Variants in PARD3B observed in about 807,000 individuals in gnomAD.
PARD3B encodes the protein partitioning defective 3 homolog B.
In PARD3B, 103 loss-of-function variants were observed where a neutral mutation model predicts 130.2. The ratio of observed to expected loss-of-function variants is 0.79; its 90% confidence interval spans 0.67 to 0.93. PARD3B has a LOEUF of 0.93. Among genes scored for constraint, PARD3B ranks in the 40% least tolerant of loss-of-function variants. The pLI is 0.00. For missense variants in PARD3B, 1,609 were observed against 1,499.2 expected (o/e 1.07, Z -1.21); for synonymous variants, 583 against 553.2 (o/e 1.05, Z -0.76).
intron 22 of PARD3B, among the ~76,000 whole-genome samples, chr2:205,603,214 G>C (rs2054858548): frequency 6.6e-6 from 1 of 151,812 alleles, no homozygotes; most frequent in Non-Finnish European, 1.5e-5. Context: ...GTTGTGCTGT[G>C]GTCTCTGTTA....
At position 205,421,536 on chromosome 2, in the gene PARD3B, G is replaced by A. The variant is rs371843802; in HGVS notation, c.2742-18834G>A. ...TTTCATATTTCCACATTGCAGGAAA[G>A]ATGAGCAATGACATATTGACCAAGG... is the stretch of plus-strand genomic sequence containing the variant. On this transcript the variant is annotated intron_variant, in intron 19 of 22. Coordinates refer to ENST00000406610, the MANE Select transcript of PARD3B (RefSeq NM_001302769.2). This position sits in a 1 kb window ranked among gnomAD's most constrained non-coding sequence, Gnocchi z 5.1. 6.6e-6 allele frequency among the ~76,000 whole-genome samples: 1 copy of A among 152,256 alleles called. No individual in the cohort carries two copies. Among genetic ancestry groups the A allele is most frequent in the South Asian group, 2.1e-4 (1 of 4,830 alleles).
At position 204,849,985 on chromosome 2, in the gene PARD3B, C is replaced by T. The variant is rs760332740; in HGVS notation, c.223-115167C>T. Among the ~76,000 whole-genome samples, 26 of 152,218 alleles carry T rather than the reference C, an allele frequency of 1.7e-4. No homozygotes were observed. In the South Asian group the frequency reaches 2.5e-3, roughly 15 times the overall value. On this transcript the variant is annotated intron_variant, in intron 2 of 22. Coordinates refer to ENST00000406610, the MANE Select transcript of PARD3B (RefSeq NM_001302769.2). ...ATTGGTATTTTTCTAAAAGCTGAAGCGTTAACGTATTAGATATGTGCACAT... is the reference window on the plus strand; with the variant it reads ...ATTGGTATTTTTCTAAAAGCTGAAGTGTTAACGTATTAGATATGTGCACAT...
intron 2 of PARD3B, among the ~76,000 whole-genome samples, chr2:204,869,216 T>G (rs750435249): frequency 9.2e-5 from 14 of 152,174 alleles, no homozygotes; most frequent in Non-Finnish European, 1.8e-4. Context: ...GTCTTCTTGG[T>G]TCATTTCACA....
intron 2 of PARD3B, among the ~76,000 whole-genome samples, chr2:204,956,250 G>T (rs1401354344): frequency 6.6e-6 from 1 of 152,184 alleles, no homozygotes; most frequent in Non-Finnish European, 1.5e-5. Context: ...CAAGGAGTAT[G>T]TTTCTGAGAC....
At chr2:204,829,998 C>CAAAAAAA (rs745415671) in intron 2 of PARD3B, among the ~76,000 whole-genome samples, 1 of 47,698 alleles carries the variant, frequency 2.1e-5, no homozygotes, top group Non-Finnish European at 4.1e-5. Context: ...GACTCCGTCT[C>CAAAAAAA]AAAAAAAAAA....
intron 21 of PARD3B, among the ~76,000 whole-genome samples, chr2:205,544,633 G>C (rs2052308083): frequency 6.6e-6 from 1 of 152,166 alleles, no homozygotes; most frequent in African/African-American, 2.4e-5. Flanking sequence ...AGGTTATTAA[G>C]ATGCCATAGC....
At chr2:205,493,559 A>G (rs1161452944) in intron 20 of PARD3B, among the ~76,000 whole-genome samples, 4 of 152,022 alleles carry the variant, frequency 2.6e-5, no homozygotes, top group African/African-American at 9.7e-5. Flanking sequence ...GACTCTGTAA[A>G]ACACTAAACT....
rs1302067457 is a variant in PARD3B at position 205,128,091 on chromosome 2, T to C, written c.1434+2354T>C. Among the ~76,000 whole-genome samples, 1 of 152,240 alleles carries C rather than the reference T, an allele frequency of 6.6e-6. No homozygotes were observed. Among genetic ancestry groups the C allele is most frequent in the Middle Eastern group, 3.2e-3 (1 of 316 alleles). On this transcript the variant is annotated intron_variant, in intron 10 of 22. Transcript: ENST00000406610. The surrounding 1 kb of genome is among the most constrained non-coding windows in gnomAD (Gnocchi z 4.5). ...CTCTCCAAAATCCTCAGTGGAACTA[T>C]GTGCTTATTTCTGAGATAGGAGAGC... is the stretch of plus-strand genomic sequence containing the variant.
At chr2:205,441,685 ATAT>A (rs2047721370) in intron 20 of PARD3B, among the ~76,000 whole-genome samples, 1 of 152,150 alleles carries the variant, frequency 6.6e-6, no homozygotes, top group Non-Finnish European at 1.5e-5. Context: ...CAGCTGGGTG[ATAT>A]TATGCACTTT....
At chr2:205,026,898 A>C (rs893864130) in intron 3 of PARD3B, among the ~76,000 whole-genome samples, 1 of 152,150 alleles carries the variant, frequency 6.6e-6, no homozygotes, top group African/African-American at 2.4e-5. Flanking sequence ...TTGTTTAGAC[A>C]CACCACATTT....
intron 21 of PARD3B, among the ~76,000 whole-genome samples, chr2:205,513,673 T>A (rs1485317147): frequency 6.6e-6 from 1 of 152,094 alleles, no homozygotes; most frequent in African/African-American, 2.4e-5. Context: ...AGTCATGCAT[T>A]CATTTATTAA....
chr2:204,726,659 C>A (rs762366243), intron 2 of PARD3B, among the ~76,000 whole-genome samples: 2 of 152,148 alleles, frequency 1.3e-5, no homozygotes, highest in Non-Finnish European at 2.9e-5. Context: ...TTATTGTATA[C>A]AAAATGTATT....
At position 205,405,026 on chromosome 2, in the gene PARD3B, C is replaced by T. The variant is rs1448325664; in HGVS notation, c.2741+3903C>T. On this transcript the variant is annotated intron_variant, in intron 19 of 22. Coordinates refer to ENST00000406610, the MANE Select transcript of PARD3B (RefSeq NM_001302769.2). The surrounding 1 kb of genome is among the most constrained non-coding windows in gnomAD (Gnocchi z 4.1). The stretch of plus-strand genomic sequence containing the variant: ...AATTTTTTTGTGCTGATTTTCATAT[C>T]TCATTTTAAGTTATCTACATATCTA... 6.6e-6 allele frequency among the ~76,000 whole-genome samples: 1 copy of T among 152,084 alleles called. No homozygotes were observed. Among genetic ancestry groups the T allele is most frequent in the Non-Finnish European group, 1.5e-5 (1 of 68,014 alleles).
At chr2:205,213,746 A>C (rs1425642873) in intron 15 of PARD3B, among the ~76,000 whole-genome samples, 1 of 152,158 alleles carries the variant, frequency 6.6e-6, no homozygotes, top group African/African-American at 2.4e-5. Context: ...ACTTAAAAGG[A>C]AAGTGTTTGG....
intron 14 of PARD3B, 32 bp downstream of exon 14, chr2:205,185,895 C>A (rs1453088573): frequency 1.9e-6 from 3 of 1,550,574 alleles, no homozygotes; most frequent in Non-Finnish European, 2.7e-6. Flanking sequence ...GTAAATGCTC[C>A]TTGTTATTGT....
At chr2:205,047,440 A>T (rs1216525169) in intron 3 of PARD3B, 141 bp from the exon 4 acceptor site, 2 of 564,206 alleles carry the variant, frequency 3.5e-6, no homozygotes, top group African/African-American at 3.8e-5. Flanking sequence ...CATTAAATGG[A>T]TTAATTTACA....
rs752089318 is a variant in PARD3B, at chr2:205,091,313, G to A, written c.505-13113G>A. 5.3e-5 allele frequency among the ~76,000 whole-genome samples: 8 copies of A among 152,138 alleles called. No individual in the cohort carries two copies. The highest frequency in any genetic ancestry group is 7.2e-5 in the African/African-American group (3 of 41,428). On this transcript the variant is annotated intron_variant, in intron 4 of 22. Transcript: ENST00000406610. The surrounding 1 kb of genome is among the most constrained non-coding windows in gnomAD (Gnocchi z 4.2). ...GCTTGTAATAATTCATAATTTTGCC[G>A]TGGCACAAACTGCATCATTTACACT...
intron 21 of PARD3B, among the ~76,000 whole-genome samples, chr2:205,519,470 C>T (rs779811257): frequency 9.2e-5 from 14 of 152,208 alleles, no homozygotes; most frequent in Non-Finnish European, 1.8e-4. Context: ...CATCCTTCAG[C>T]TCCTCTATCA....
chr2:204,686,304 C>T (rs985481704), intron 2 of PARD3B, 22 bp downstream of exon 2: 3 of 1,542,430 alleles, frequency 1.9e-6, no homozygotes, highest in Non-Finnish European at 1.8e-6. Flanking sequence ...TAAAAATGTG[C>T]CTCTTTGTTT....
Sources: gnomAD v4.1 joint callset for allele counts (sites outside exome capture counted in the v4.1 genomes callset) on GRCh38, gnomAD v4.1.1 for gene constraint, Gnocchi (gnomAD v3.1) non-coding constraint, MANE v1.5 for transcripts, NCBI Gene and HGNC (gene_info 2026-07-23, HGNC 2026-07-21) for gene names.